The following RAG1 variants were observed in gnomAD, a reference collection of about 807,000 sequenced individuals.
RAG1 encodes the protein recombination activating 1.
Under a neutral mutation model 62.7 loss-of-function variants are expected in RAG1, and 35 were observed. The ratio of observed to expected loss-of-function variants is 0.56; its 90% CI spans 0.43 to 0.74. The LOEUF is 0.74. Among genes scored for constraint, RAG1 ranks in the 30% least tolerant of loss-of-function variants. RAG1 has a pLI of 0.00. For synonymous variants in RAG1, 461 were observed against 470.3 expected, an observed-to-expected ratio of 0.98 and a Z score of 0.26; for missense variants, 1,169 against 1,278.6, an observed-to-expected ratio of 0.91 and a Z score of 1.31.
chr11:36,548,447 C>T (rs1850430893), intron 3 of RAG1, among the ~76,000 whole-genome samples: 1 of 152,018 alleles, frequency 6.6e-6, no homozygotes, highest in Non-Finnish European at 1.5e-5. Flanking sequence ...AATCAATGTG[C>T]AAAAATCACA....
upstream of RAG1, among the ~76,000 whole-genome samples, chr11:36,566,897 C>T (rs976380210): frequency 1.3e-5 from 2 of 152,186 alleles, no homozygotes; most frequent in Non-Finnish European, 1.5e-5. Context: ...GAGGGCAGCA[C>T]AGAACAGTGA....
chr11:36,544,161 C>A (rs1264497250), intron 3 of RAG1, among the ~76,000 whole-genome samples: 1 of 152,062 alleles, frequency 6.6e-6, no homozygotes, highest in Non-Finnish European at 1.5e-5. Context: ...ATCCCTGGGA[C>A]CTATAAACGT....
Position 36,548,964 on chromosome 11 carries a change from C to T in RAG1, c.-412+12930C>T, listed in dbSNP as rs150605779. Among the ~76,000 whole-genome samples, 35 of 152,030 alleles carry T rather than the reference C, an allele frequency of 2.3e-4. No individual in the cohort carries two copies. In the East Asian group the frequency reaches 2.9e-3, roughly 13 times the overall value. On this transcript the variant is annotated intron_variant and NMD_transcript_variant, in intron 3 of 9. Transcript: ENST00000534663. ...AACCAAACGGAAGCATTAGAAATAA[C>T]GCCACAGATCTGCAACCATCTGATC...
Position 36,513,047 on chromosome 11 carries a change from C to G in RAG1, n.330+2009C>G, listed in dbSNP as rs137877802. Reference sequence around the variant, plus strand: ...TGAATGGATCAATGCCATTATCATGCGAGTGAATTCGTTATTCTGGGAGTA... The same window carrying G: ...TGAATGGATCAATGCCATTATCATGGGAGTGAATTCGTTATTCTGGGAGTA... On this transcript the variant is annotated intron_variant and non_coding_transcript_variant, in intron 1 of 2. Transcript: ENST00000529126. Among the ~76,000 whole-genome samples the G allele has an allele frequency of 1.1e-4, 17 of 152,264 alleles. No homozygotes were observed. The East Asian group carries it at 3.1e-3, about 28-fold the overall frequency.
chr11:36,534,081 C>A (rs1175389636), intron 2 of RAG1, among the ~76,000 whole-genome samples: 1 of 152,002 alleles, frequency 6.6e-6, no homozygotes, highest in African/African-American at 2.4e-5. Flanking sequence ...TCCCTGAAGA[C>A]TTTTTGGAGG....
At chr11:36,515,660 G>A in intron 1 of RAG1, 1 of 152,880 alleles carries the variant, frequency 6.5e-6, no homozygotes. Flanking sequence ...GGGAGGGGGT[G>A]ACAAAGAGGG....
chr11:36,571,538 C>G (rs1307268328), intron 1 of RAG1, among the ~76,000 whole-genome samples: 1 of 152,106 alleles, frequency 6.6e-6, no homozygotes. Context: ...CTTGCATAGT[C>G]CTGCATAGGG....
intron 3 of RAG1, among the ~76,000 whole-genome samples, chr11:36,561,713 A>G (rs903333867): frequency 2.6e-5 from 4 of 152,184 alleles, no homozygotes; most frequent in African/African-American, 9.7e-5. Flanking sequence ...TTATTTTCCT[A>G]GCCTTGGACT....
intron 2 of RAG1, among the ~76,000 whole-genome samples, chr11:36,521,516 C>T (rs1339559385): frequency 6.6e-6 from 1 of 152,108 alleles, no homozygotes; most frequent in East Asian, 1.9e-4. Flanking sequence ...TCCAATAAAC[C>T]TCCTTCTTTT....
intron 1 of RAG1, among the ~76,000 whole-genome samples, chr11:36,519,888 A>T (rs1360236453): frequency 6.6e-6 from 1 of 152,248 alleles, no homozygotes; most frequent in Non-Finnish European, 1.5e-5. Flanking sequence ...GTTACAGAAG[A>T]TTATAAAATA....
At chr11:36,564,185 G>A (rs374297512), upstream of RAG1, among the ~76,000 whole-genome samples, 124 of 152,314 alleles carry the variant, frequency 8.1e-4, 1 homozygote, top group South Asian at 0.022. Flanking sequence ...ATAAGGAGAA[G>A]GCATTTATTA....
At chr11:36,510,456 C>G (rs1331948510), upstream of RAG1, 1 of 152,298 alleles carries the variant, frequency 6.6e-6, no homozygotes, top group Non-Finnish European at 1.5e-5. Context: ...TTGCACCGCA[C>G]AGCCGAACCC....
chr11:36,562,913 A>G (rs1850610316), intron 3 of RAG1, among the ~76,000 whole-genome samples: 1 of 152,082 alleles, frequency 6.6e-6, no homozygotes, highest in Non-Finnish European at 1.5e-5. Flanking sequence ...CAATTCCCAT[A>G]AGGCAGGTGT....
intron 2 of RAG1, among the ~76,000 whole-genome samples, chr11:36,532,531 CTTATCTGTGGT>C (rs2133257200): frequency 6.6e-6 from 1 of 152,234 alleles, no homozygotes; most frequent in Admixed American, 6.5e-5. Context: ...AGAAATCCAC[CTTATCTGTGGT>C]TTTGCTTTCT....
At chr11:36,530,306 T>A (rs1448100502) in intron 2 of RAG1, among the ~76,000 whole-genome samples, 3 of 152,008 alleles carry the variant, frequency 2.0e-5, no homozygotes, top group Non-Finnish European at 2.9e-5. Flanking sequence ...TCTATATAGG[T>A]ATGCCTTTTC....
chr11:36,543,054 A>G (rs1054710830), intron 3 of RAG1, among the ~76,000 whole-genome samples: 2 of 151,990 alleles, frequency 1.3e-5, no homozygotes, highest in Non-Finnish European at 2.9e-5. Flanking sequence ...ACGAGTCACT[A>G]CTGAATCTTC....
chr11:36,557,978 C>T (rs1297979707), intron 3 of RAG1, among the ~76,000 whole-genome samples: 3 of 152,102 alleles, frequency 2.0e-5, no homozygotes, highest in African/African-American at 7.2e-5. Context: ...TTCATTACTC[C>T]CATGTAACAC....
In RAG1 at chr11:36,574,193, G is replaced by A; in HGVS notation, c.889G>A (p.Glu297Lys). The change falls in exon 2 of 2, where the codon GAA becomes AAA. Residue 297 changes from glutamate (E) to lysine (K), a missense_variant. Physicochemically the swap from Glu to Lys is moderately conservative, Grantham distance 56. Coordinates refer to ENST00000299440, the MANE Select transcript of RAG1 (RefSeq NM_000448.3). The part of the protein sequence containing the change: ...FVKSISCQIC[E>K]HILADPVETN... ...GAAATCCATCTCCTGCCAGATCTGTGAACACATTCTGGCTGACCCTGTGGA... is the reference window on the plus strand; with the variant it reads ...GAAATCCATCTCCTGCCAGATCTGTAAACACATTCTGGCTGACCCTGTGGA... 6.2e-7 allele frequency: 1 copy of A among 1,614,184 alleles called. No homozygotes were observed. Among genetic ancestry groups the A allele is most frequent in the East Asian group, 2.2e-5 (1 of 44,876 alleles).
At chr11:36,522,701 A>T (rs1860100865) in intron 2 of RAG1, among the ~76,000 whole-genome samples, 1 of 152,222 alleles carries the variant, frequency 6.6e-6, no homozygotes, top group Admixed American at 6.5e-5. Context: ...AGCTACAGAC[A>T]TTCAACACCA....
Sources: allele counts gnomAD v4.1 joint callset (sites outside exome capture counted in the v4.1 genomes callset), GRCh38; gene constraint gnomAD v4.1.1; transcripts MANE v1.5; gene names NCBI Gene and HGNC (gene_info 2026-07-23, HGNC 2026-07-21).